Variants in SATB2 observed in about 807,000 individuals in gnomAD.
The protein encoded by SATB2 is SATB homeobox 2, also known as DNA-binding protein SATB2.
A neutral mutation model predicts 73.4 loss-of-function variants in SATB2; 1 was observed. The observed-to-expected ratio is 0.01, with a 90% confidence interval of 0.00 to 0.06. The LOEUF (loss-of-function observed/expected upper bound fraction) is 0.06, where lower values mean the gene tolerates loss of function less well. Ranked by LOEUF, SATB2 falls within the 10% of genes least tolerant of loss-of-function variation. SATB2 has a pLI of 1.00. For synonymous variants in SATB2, 397 were observed against 367.0 expected (o/e 1.08, Z -0.93); for missense variants, 459 against 945.8 (o/e 0.49, Z 6.75).
intron 3 of SATB2, among the ~76,000 whole-genome samples, chr2:199,425,122 G>C (rs1313037105): frequency 1.3e-5 from 2 of 152,178 alleles, no homozygotes; most frequent in Admixed American, 1.3e-4. Context: ...TATCATATCA[G>C]AGTACCACAA....
rs1031542544 is a variant in SATB2, at chr2:199,464,059, G to C, written c.-141+777C>G. On this transcript the variant is annotated intron_variant, in intron 1 of 11. Transcript: ENST00000260926. This position sits in a 1 kb window ranked among gnomAD's most constrained non-coding sequence, Gnocchi z 6.6. Reference sequence around the variant, plus strand: ...CAGGGACGAGGGGGGCAGTGTATCCGGCGGCCCAAACTCGTAAGGAGTGGG... The same window carrying C: ...CAGGGACGAGGGGGGCAGTGTATCCCGCGGCCCAAACTCGTAAGGAGTGGG... Among the ~76,000 whole-genome samples the C allele has an allele frequency of 6.6e-6, 1 of 152,194 alleles. No homozygotes were observed. Among genetic ancestry groups the C allele is most frequent in the Non-Finnish European group, 1.5e-5 (1 of 68,038 alleles).
chr2:199,367,422 C>T (rs1689318539), intron 6 of SATB2, among the ~76,000 whole-genome samples: 1 of 152,032 alleles, frequency 6.6e-6, no homozygotes. Context: ...GCATAAAACA[C>T]TCTCATTCCT....
At chr2:199,353,512 T>C (rs571442957) in intron 6 of SATB2, among the ~76,000 whole-genome samples, 13 of 152,112 alleles carry the variant, frequency 8.5e-5, no homozygotes, top group Non-Finnish European at 1.5e-4. Flanking sequence ...CTCATAAAAA[T>C]AATATCAGAA....
At chr2:199,361,024 C>T (rs925866399) in intron 6 of SATB2, among the ~76,000 whole-genome samples, 17 of 152,126 alleles carry the variant, frequency 1.1e-4, no homozygotes, top group Non-Finnish European at 2.2e-4. Context: ...GGCCCTTTTC[C>T]TCTCAAAGCT....
chr2:199,462,473 G>T (rs986487046), upstream of SATB2, among the ~76,000 whole-genome samples: 2 of 152,212 alleles, frequency 1.3e-5, no homozygotes, highest in African/African-American at 4.8e-5. The surrounding 1 kb of genome is among the most constrained non-coding windows in gnomAD (Gnocchi z 5.9). Flanking sequence ...TTGGAGGACG[G>T]TTCGCCCAGG....
chr2:199,381,310 A>G (rs996300524), intron 4 of SATB2, among the ~76,000 whole-genome samples: 1 of 152,192 alleles, frequency 6.6e-6, no homozygotes, highest in African/African-American at 2.4e-5. Flanking sequence ...CTCCCCTCAT[A>G]ACACAAATGT....
At chr2:199,320,996 C>T (rs1250987587) in intron 9 of SATB2, among the ~76,000 whole-genome samples, 2 of 152,068 alleles carry the variant, frequency 1.3e-5, no homozygotes, top group African/African-American at 4.8e-5. Flanking sequence ...AATTGTTTCC[C>T]TAATTTCACC....
chr2:199,329,068 A>G (rs1008423579), intron 7 of SATB2, 158 bp from the exon 8 acceptor site: 10 of 690,282 alleles, frequency 1.4e-5, no homozygotes, highest in Non-Finnish European at 2.6e-5. Context: ...ATATGAAGTC[A>G]ATGTGCTTGC....
At chr2:199,370,647 G>A (rs1048718952) in intron 5 of SATB2, among the ~76,000 whole-genome samples, 5 of 151,998 alleles carry the variant, frequency 3.3e-5, no homozygotes, top group Non-Finnish European at 7.4e-5. Context: ...AAGCCCAGAC[G>A]ACTGCATCAT....
At chr2:199,452,629 G>C (rs1692159103) in intron 2 of SATB2, among the ~76,000 whole-genome samples, 1 of 152,118 alleles carries the variant, frequency 6.6e-6, no homozygotes, top group South Asian at 2.1e-4. Flanking sequence ...TCCTTATGGA[G>C]TGAATTACTA....
intron 10 of SATB2, among the ~76,000 whole-genome samples, chr2:199,305,378 C>T (rs866205913): frequency 3.3e-5 from 5 of 151,658 alleles, no homozygotes; most frequent in East Asian, 3.9e-4. Flanking sequence ...GGGGAGGGTC[C>T]GAAAAAATAA....
intron 9 of SATB2, among the ~76,000 whole-genome samples, chr2:199,321,538 A>G (rs375954919): frequency 6.7e-6 from 1 of 149,668 alleles, no homozygotes; most frequent in Admixed American, 6.6e-5. Context: ...ATATATACAT[A>G]TATGTGTATA....
intron 3 of SATB2, among the ~76,000 whole-genome samples, chr2:199,382,089 G>A (rs182089759): frequency 3.3e-5 from 5 of 152,172 alleles, no homozygotes; most frequent in East Asian, 3.9e-4. Context: ...AAAACCATAC[G>A]GATACTTCCT....
intron 6 of SATB2, among the ~76,000 whole-genome samples, chr2:199,360,941 T>C (rs564407367): frequency 1.3e-5 from 2 of 152,116 alleles, no homozygotes; most frequent in South Asian, 4.2e-4. Context: ...TTGATAACAC[T>C]TCCCCCTGGT....
intron 10 of SATB2, among the ~76,000 whole-genome samples, chr2:199,289,436 G>A (rs58503381): frequency 0.019 from 2,940 of 152,190 alleles, 105 homozygotes; most frequent in African/African-American, 0.068. Context: ...TCCAGTCTCC[G>A]AGCAGCAGAG....
chr2:199,305,215 G>A (rs1574488713), intron 10 of SATB2, among the ~76,000 whole-genome samples: 2 of 152,270 alleles, frequency 1.3e-5, no homozygotes, highest in South Asian at 4.1e-4. Flanking sequence ...CAGCAGGACA[G>A]TAAGTGTGTG....
intron 6 of SATB2, among the ~76,000 whole-genome samples, chr2:199,350,323 C>T (rs1688777898): frequency 6.6e-6 from 1 of 151,358 alleles, no homozygotes; most frequent in African/African-American, 2.4e-5. Context: ...TATAGTTAAC[C>T]GTGACAGAAT....
chr2:199,303,688 T>C (rs1332380867), intron 10 of SATB2, among the ~76,000 whole-genome samples: 4 of 152,034 alleles, frequency 2.6e-5, no homozygotes, highest in South Asian at 2.1e-4. Context: ...AAATATCCCA[T>C]GGAAGCAAAA....
At chr2:199,275,805 A>G (rs1692296525) in intron 10 of SATB2, among the ~76,000 whole-genome samples, 1 of 152,228 alleles carries the variant, frequency 6.6e-6, no homozygotes. Flanking sequence ...GTAAGGAAAG[A>G]GCAGTCAAAA....
Sources: gnomAD v4.1 joint callset for allele counts (sites outside exome capture counted in the v4.1 genomes callset) on GRCh38, gnomAD v4.1.1 for gene constraint, Gnocchi (gnomAD v3.1) non-coding constraint, MANE v1.5 for transcripts, NCBI Gene and HGNC (gene_info 2026-07-23, HGNC 2026-07-21) for gene names.